POU2F1: variants seen among roughly 807,000 people sequenced by gnomAD.
POU2F1 encodes POU class 2 homeobox 1, also known as POU domain, class 2, transcription factor 1.
In POU2F1, 16 loss-of-function variants were observed where a neutral mutation model predicts 84.9. That is an observed-to-expected ratio of 0.19 (90% confidence interval 0.13 to 0.29). The LOEUF (loss-of-function observed/expected upper bound fraction) is 0.29, where lower values mean the gene tolerates loss of function less well. Ranked by LOEUF, POU2F1 falls within the 10% of genes least tolerant of loss-of-function variation. POU2F1 has a pLI of 1.00. For synonymous variants in POU2F1, 368 were observed against 368.3 expected, an observed-to-expected ratio of 1.00 and a Z score of 0.01; for missense variants, 738 against 942.6, an observed-to-expected ratio of 0.78 and a Z score of 2.84.
rs927173183 is a variant in POU2F1 at position 167,416,046 on chromosome 1, C to T, written c.*236C>T. The T allele has an allele frequency of 3.6e-6, 2 of 555,700 alleles. No individual in the cohort carries two copies. The highest frequency in any genetic ancestry group is 6.5e-6 in the Non-Finnish European group (2 of 307,444). 34.4% of individuals were successfully genotyped at this position (555,700 alleles called of 1,614,324 possible). ...ATTTTGTAATAAAACACTGTCTTTTCAGGATTGCTTCATGGATTGGAGAAC... is the reference window on the plus strand; with the variant it reads ...ATTTTGTAATAAAACACTGTCTTTTTAGGATTGCTTCATGGATTGGAGAAC... On this transcript the variant is annotated 3_prime_UTR_variant, in exon 16 of 16. Coordinates refer to ENST00000367866, the MANE Select transcript of POU2F1 (RefSeq NM_002697.4).
intron 9 of POU2F1, among the ~76,000 whole-genome samples, chr1:167,392,970 T>C (rs1355566086): frequency 6.6e-6 from 1 of 152,240 alleles, no homozygotes; most frequent in Non-Finnish European, 1.5e-5. Context: ...ATATACACAT[T>C]ATTAGATGTT....
intron 12 of POU2F1, among the ~76,000 whole-genome samples, chr1:167,399,661 TTATTTATTTTTC>T (rs1350088588): frequency 6.6e-6 from 1 of 152,114 alleles, no homozygotes; most frequent in East Asian, 1.9e-4. Context: ...TGCTTATTTT[TTATTTATTTTTC>T]TATTTATTTT....
At chr1:167,224,712 T>TA (rs1156396786) in intron 1 of POU2F1, among the ~76,000 whole-genome samples, 4 of 152,206 alleles carry the variant, frequency 2.6e-5, no homozygotes, top group African/African-American at 7.2e-5. Flanking sequence ...CCAATTTTGA[T>TA]AGAGTATTTT....
chr1:167,324,299 C>T (rs1027807448), intron 1 of POU2F1, among the ~76,000 whole-genome samples: 15 of 128,160 alleles, frequency 1.2e-4, no homozygotes, highest in African/African-American at 5.9e-4. Context: ...TAGAACACAT[C>T]GCAATACATT....
At chr1:167,406,090 C>T (rs1337783812) in intron 13 of POU2F1, among the ~76,000 whole-genome samples, 1 of 152,022 alleles carries the variant, frequency 6.6e-6, no homozygotes, top group Non-Finnish European at 1.5e-5. Context: ...AACTCATATT[C>T]CTCGAGAAAA....
At chr1:167,314,881 C>A (rs868475562) in intron 1 of POU2F1, among the ~76,000 whole-genome samples, 1 of 152,150 alleles carries the variant, frequency 6.6e-6, no homozygotes, top group Non-Finnish European at 1.5e-5. Flanking sequence ...GAGGTGGGGC[C>A]TGGTGGAAAG....
At chr1:167,324,884 G>T (rs1471562572) in intron 1 of POU2F1, among the ~76,000 whole-genome samples, 1 of 152,110 alleles carries the variant, frequency 6.6e-6, no homozygotes. Context: ...GATTTTTGGT[G>T]GGGGGAGGGG....
At chr1:167,236,062 A>C (rs369628153) in intron 1 of POU2F1, among the ~76,000 whole-genome samples, 18 of 152,252 alleles carry the variant, frequency 1.2e-4, no homozygotes, top group African/African-American at 3.6e-4. Flanking sequence ...AGGTTGATGA[A>C]AAACACTTCA....
rs76646755 is a variant in POU2F1, at chr1:167,402,801, C to T, written c.1555+1245C>T. ...TGATTGATTGGCATTGTGTTGGGCA[C>T]CAAGAATGTGAAGAACCATCTCTGA... On this transcript the variant is annotated intron_variant, in intron 13 of 15. Transcript: ENST00000367866. Among the ~76,000 whole-genome samples the T allele has an allele frequency of 8.9e-3, 1,350 of 152,260 alleles. 19 individuals are homozygous for T. Among genetic ancestry groups the T allele is most frequent in the African/African-American group, 0.031 (1,268 of 41,534 alleles).
chr1:167,320,260 C>G (rs1656217403), intron 1 of POU2F1, among the ~76,000 whole-genome samples: 1 of 152,216 alleles, frequency 6.6e-6, no homozygotes, highest in Non-Finnish European at 1.5e-5. Context: ...ATTACAGCTA[C>G]AAGTTTTGCT....
intron 1 of POU2F1, among the ~76,000 whole-genome samples, chr1:167,322,816 G>C (rs757749841): frequency 1.3e-5 from 2 of 152,212 alleles, no homozygotes; most frequent in Non-Finnish European, 2.9e-5. Flanking sequence ...GGGAAACAAA[G>C]AGATGGGCTC....
chr1:167,232,936 G>T (rs770979099), intron 1 of POU2F1, among the ~76,000 whole-genome samples: 16 of 151,942 alleles, frequency 1.1e-4, no homozygotes, highest in African/African-American at 3.6e-4. Context: ...TAAGTATATG[G>T]TGTTTTTAAA....
At chr1:167,223,208 G>A (rs1398632509) in intron 1 of POU2F1, among the ~76,000 whole-genome samples, 1 of 152,122 alleles carries the variant, frequency 6.6e-6, no homozygotes, top group African/African-American at 2.4e-5. Context: ...GAAAAGAGAA[G>A]AATAAACATA....
intron 1 of POU2F1, among the ~76,000 whole-genome samples, chr1:167,248,862 T>C (rs770418900): frequency 6.6e-6 from 1 of 152,214 alleles, no homozygotes; most frequent in Non-Finnish European, 1.5e-5. Context: ...AACTTTATTA[T>C]GTAGGTATTA....
chr1:167,306,030 C>A (rs1007895345), intron 1 of POU2F1, among the ~76,000 whole-genome samples: 1 of 152,126 alleles, frequency 6.6e-6, no homozygotes, highest in African/African-American at 2.4e-5. Context: ...TGGAATTATT[C>A]CTTCCTTTTT....
At chr1:167,337,168 G>A (rs4657655) in intron 2 of POU2F1, among the ~76,000 whole-genome samples, 106,462 of 145,358 alleles carry the variant, frequency 0.73, 38,756 homozygotes, top group East Asian at 0.87. Flanking sequence ...CATCTCAAAA[G>A]AAAAAAAAAA....
chr1:167,401,004 G>T (rs1649165735), intron 12 of POU2F1, among the ~76,000 whole-genome samples: 1 of 152,102 alleles, frequency 6.6e-6, no homozygotes, highest in African/African-American at 2.4e-5. Context: ...TGCAAAACTA[G>T]AATTTTTTGT....
chr1:167,381,334 C>T (rs745816221), intron 7 of POU2F1, among the ~76,000 whole-genome samples: 13 of 152,276 alleles, frequency 8.5e-5, no homozygotes, highest in African/African-American at 2.6e-4. Flanking sequence ...CCACATGCCT[C>T]GGCCTCCCAA....
chr1:167,240,260 A>T (rs911326117), intron 1 of POU2F1, among the ~76,000 whole-genome samples: 1 of 152,236 alleles, frequency 6.6e-6, no homozygotes, highest in Non-Finnish European at 1.5e-5. Flanking sequence ...GGCTGTGAAG[A>T]TATGAACCCT....
Sources: allele counts gnomAD v4.1 joint callset (sites outside exome capture counted in the v4.1 genomes callset), GRCh38; gene constraint gnomAD v4.1.1; transcripts MANE v1.5; gene names NCBI Gene and HGNC (gene_info 2026-07-23, HGNC 2026-07-21).